ANAPC1: variants seen among roughly 807,000 people sequenced by gnomAD.
ANAPC1 encodes the protein anaphase promoting complex subunit 1.
A neutral mutation model predicts 208.0 loss-of-function variants in ANAPC1; 36 were observed. That is an observed-to-expected ratio of 0.17 (90% CI 0.13 to 0.23). The LOEUF (loss-of-function observed/expected upper bound fraction) is 0.23. ANAPC1 is among the 10% of genes least tolerant of loss of function. The pLI is 1.00. For missense variants in ANAPC1, 942 were observed against 2,011.6 expected, an observed-to-expected ratio of 0.47 and a Z score of 10.17; for synonymous variants, 378 against 695.2, an observed-to-expected ratio of 0.54 and a Z score of 7.18.
chr2:111,839,599 T>C (rs1472177595), intron 17 of ANAPC1, among the ~76,000 whole-genome samples: 2 of 152,226 alleles, frequency 1.3e-5, no homozygotes, highest in African/African-American at 2.4e-5. Context: ...TAAAACTGAA[T>C]GTTATTGAGA....
chr2:111,770,582 G>T (rs750841728), intron 47 of ANAPC1, among the ~76,000 whole-genome samples: 7 of 145,502 alleles, frequency 4.8e-5, no homozygotes, highest in East Asian at 2.0e-4. Context: ...TTTTTTTCAC[G>T]GTTTCCACAT....
chr2:111,793,152 A>C (rs1250773680), intron 37 of ANAPC1, among the ~76,000 whole-genome samples: 87 of 151,882 alleles, frequency 5.7e-4, no homozygotes, highest in African/African-American at 2.1e-3. Context: ...TGAAATGGAG[A>C]TGTTACTCTA....
intron 25 of ANAPC1, among the ~76,000 whole-genome samples, chr2:111,822,029 G>C (rs930547607): frequency 3.3e-5 from 5 of 152,146 alleles, no homozygotes; most frequent in African/African-American, 7.2e-5. Flanking sequence ...ATATGCAGTA[G>C]AAAATATTTA....
chr2:111,783,377 C>T (rs1325733483), intron 42 of ANAPC1, among the ~76,000 whole-genome samples: 3 of 152,084 alleles, frequency 2.0e-5, no homozygotes, highest in Admixed American at 6.5e-5. Flanking sequence ...TGAGTTCTCA[C>T]GAGATCTGAT....
chr2:111,878,586 A>AT (rs1683136450), intron 3 of ANAPC1, among the ~76,000 whole-genome samples: 2 of 152,258 alleles, frequency 1.3e-5, no homozygotes, highest in African/African-American at 4.8e-5. Context: ...AAAGATTACC[A>AT]TTAAAGTGAC....
chr2:111,813,372 G>A (rs1466471080), intron 28 of ANAPC1, among the ~76,000 whole-genome samples: 1 of 151,938 alleles, frequency 6.6e-6, no homozygotes, highest in Non-Finnish European at 1.5e-5. Flanking sequence ...TAGCTCACAT[G>A]GGAACCACCA....
intron 17 of ANAPC1, among the ~76,000 whole-genome samples, chr2:111,841,630 A>G (rs1295383511): frequency 6.6e-6 from 1 of 152,132 alleles, no homozygotes; most frequent in Non-Finnish European, 1.5e-5. Context: ...AAGGTGAGCA[A>G]GGGCTAGGTC....
intron 28 of ANAPC1, among the ~76,000 whole-genome samples, chr2:111,810,307 G>A (rs958841879): frequency 6.7e-6 from 1 of 149,192 alleles, no homozygotes; most frequent in Non-Finnish European, 1.5e-5. Context: ...GAAGGTGGGG[G>A]GGGGTGAGGT....
At chr2:111,775,847 A>G (rs1169447582) in intron 46 of ANAPC1, among the ~76,000 whole-genome samples, 1 of 152,288 alleles carries the variant, frequency 6.6e-6, no homozygotes, top group Non-Finnish European at 1.5e-5. Flanking sequence ...TTCCCCAAAA[A>G]TGAGGATAAA....
intron 18 of ANAPC1, among the ~76,000 whole-genome samples, chr2:111,837,785 A>T (rs139339615): frequency 1.3e-4 from 20 of 151,902 alleles, no homozygotes; most frequent in Non-Finnish European, 2.9e-4. Context: ...TGGACCACTG[A>T]AGAATAATAC....
At chr2:111,843,678 A>C in intron 16 of ANAPC1, 79 bp from the exon 17 acceptor site, 1 of 1,289,184 alleles carries the variant, frequency 7.8e-7, no homozygotes, top group Non-Finnish European at 1.1e-6. Flanking sequence ...AAGTTTTTTA[A>C]CTTCTACTAT....
downstream of ANAPC1, chr2:111,767,010 C>G (rs756828395): frequency 1.3e-5 from 6 of 469,560 alleles, no homozygotes; most frequent in Admixed American, 1.2e-4. Flanking sequence ...AAGGGAGGAA[C>G]GCAGATGTCA....
intron 7 of ANAPC1, among the ~76,000 whole-genome samples, chr2:111,867,607 A>C (rs1682501504): frequency 6.6e-6 from 1 of 151,248 alleles, no homozygotes. Context: ...CAGGATAATC[A>C]CTTGAACTCG....
intron 20 of ANAPC1, among the ~76,000 whole-genome samples, chr2:111,832,955 A>AAAAAAAAAAAAAAAC (rs1680236852): frequency 1.3e-5 from 2 of 150,298 alleles, no homozygotes; most frequent in Non-Finnish European, 3.0e-5. Flanking sequence ...AAAAAAAAAA[A>AAAAAAAAAAAAAAAC]AGCATCCTTG....
At chr2:111,839,742 A>G (rs1347929533) in intron 17 of ANAPC1, among the ~76,000 whole-genome samples, 1 of 152,168 alleles carries the variant, frequency 6.6e-6, no homozygotes, top group Non-Finnish European at 1.5e-5. Context: ...TTCAACCAAA[A>G]TGTAACACAC....
chr2:111,875,005 AT>A (rs1176459073), intron 3 of ANAPC1, among the ~76,000 whole-genome samples: 1 of 152,200 alleles, frequency 6.6e-6, no homozygotes, highest in Non-Finnish European at 1.5e-5. Flanking sequence ...TTTTTGAGAA[AT>A]CGCCAAACTT....
chr2:111,823,188 AT>A (rs539443312), intron 24 of ANAPC1, among the ~76,000 whole-genome samples: 13 of 145,102 alleles, frequency 9.0e-5, no homozygotes, highest in Non-Finnish European at 7.6e-5. Context: ...TTTTTTTGTA[AT>A]TTTTTTTTTA....
rs1345635115 is a variant in ANAPC1 at position 111,864,864 on chromosome 2, G to C, written c.773C>G (p.Thr258Ser). ...FLNTDPSIVMTYDAVQNVHSV... is the reference protein window; with the variant it reads ...FLNTDPSIVMSYDAVQNVHSV... ...ATGCACATTTTGAACAGCATCATAA[G>C]TCATTACAATAGAGGGGTCAGTATT... The change falls in exon 8 of 48, where the codon ACT (threonine) becomes AGT (serine). Residue 258 changes from threonine (T) to serine (S), a missense_variant. Coordinates refer to ENST00000341068, the MANE Select transcript of ANAPC1 (RefSeq NM_022662.4). 6.2e-7 allele frequency: 1 copy of C among 1,611,536 alleles called. No homozygotes were observed. The highest frequency in any genetic ancestry group is 8.5e-7 in the Non-Finnish European group (1 of 1,179,766).
At position 111,883,358 on chromosome 2, in the gene ANAPC1, G is replaced by A. The variant is rs148006657; in HGVS notation, c.-25+584C>T. On this transcript the variant is annotated intron_variant, in intron 1 of 47. Coordinates refer to ENST00000341068, the MANE Select transcript of ANAPC1 (RefSeq NM_022662.4). ...GAGAGAAAATTACAGAATTGTTAAA[G>A]AATTATCATTTTGTACCGATTAATG... Among the ~76,000 whole-genome samples, 45 of 152,044 alleles carry A rather than the reference G, an allele frequency of 3.0e-4. No homozygotes were observed. In the East Asian group the frequency reaches 8.1e-3, roughly 27 times the overall value.
Sources: allele counts gnomAD v4.1 joint callset (sites outside exome capture counted in the v4.1 genomes callset), GRCh38; gene constraint gnomAD v4.1.1; transcripts MANE v1.5; gene names NCBI Gene and HGNC (gene_info 2026-07-23, HGNC 2026-07-21).